The following ADK variants were observed in gnomAD, a reference collection of about 807,000 sequenced individuals.
ADK encodes the protein N6,N6-dimethyladenosine kinase.
In ADK, 24 loss-of-function variants were observed where a neutral mutation model predicts 44.7. The ratio of observed to expected loss-of-function variants is 0.54; its 90% CI spans 0.39 to 0.76. ADK has a LOEUF of 0.76. Among genes scored for constraint, ADK ranks in the 30% least tolerant of loss-of-function variants. The pLI is 0.00. For missense variants in ADK, 321 were observed against 425.1 expected, an observed-to-expected ratio of 0.76 and a Z score of 2.15; for synonymous variants, 128 against 142.6, an observed-to-expected ratio of 0.90 and a Z score of 0.73.
At chr10:74,344,715 C>A (rs1473570303) in intron 4 of ADK, 2 of 172,586 alleles carry the variant, frequency 1.2e-5, no homozygotes, top group Non-Finnish European at 2.5e-5. Context: ...TTAACACAGT[C>A]CAAAAAGCAG....
Position 74,308,247 on chromosome 10 carries a change from C to CT in ADK, c.195-6419dup, listed in dbSNP as rs369752418. Among the ~76,000 whole-genome samples, 795 of 152,218 alleles carry CT rather than the reference C, an allele frequency of 5.2e-3. 12 individuals carry two copies. The highest frequency in any genetic ancestry group is 0.017 in the African/African-American group (721 of 41,550). On this transcript the variant is annotated intron_variant, in intron 3 of 10. Coordinates refer to ENST00000539909, the MANE Select transcript of ADK (RefSeq NM_006721.4). The stretch of plus-strand genomic sequence containing the variant: ...ATATTAGAGTTGAATAAGGGCTTAT[C>CT]TAAGCAATACATGCTTAAAATTGCT...
intron 1 of ADK, among the ~76,000 whole-genome samples, chr10:74,185,521 A>ATTTTTT (rs11368451): frequency 6.9e-6 from 1 of 144,808 alleles, no homozygotes; most frequent in Middle Eastern, 3.6e-3. Flanking sequence ...CAACAATATA[A>ATTTTTT]TTTTTTTTTT....
At position 74,670,984 on chromosome 10, in the gene ADK, G is replaced by A. The variant is rs143427288; in HGVS notation, c.964+715G>A. ...GCTTCCTCACAGATACCCCAAAGGGGTCTTTCCTGGTCTCTGTTTCTTTCT... is the reference window on the plus strand; with the variant it reads ...GCTTCCTCACAGATACCCCAAAGGGATCTTTCCTGGTCTCTGTTTCTTTCT... On this transcript the variant is annotated intron_variant, in intron 10 of 10. Coordinates refer to ENST00000539909, the MANE Select transcript of ADK (RefSeq NM_006721.4). 1.0e-3 allele frequency among the ~76,000 whole-genome samples: 150 copies of A among 146,602 alleles called. No homozygotes were observed. The Middle Eastern group carries it at 0.022, about 21-fold the overall frequency.
chr10:74,282,254 G>C (rs184969374), intron 3 of ADK, among the ~76,000 whole-genome samples: 144 of 152,194 alleles, frequency 9.5e-4, no homozygotes, highest in South Asian at 1.9e-3. Context: ...ACTATTTGTG[G>C]TGAACTTTTT....
At chr10:74,400,244 C>A (rs1843660656) in intron 6 of ADK, among the ~76,000 whole-genome samples, 1 of 152,098 alleles carries the variant, frequency 6.6e-6, no homozygotes, top group African/African-American at 2.4e-5. Context: ...ATCTGTGATA[C>A]AAGTGTTAGC....
chr10:74,618,693 C>A (rs2134020045), intron 9 of ADK, among the ~76,000 whole-genome samples: 1 of 152,206 alleles, frequency 6.6e-6, no homozygotes, highest in African/African-American at 2.4e-5. Flanking sequence ...AAATGGCTTT[C>A]CATTATCTTT....
chr10:74,159,856 G>A (rs1021392449), intron 1 of ADK, among the ~76,000 whole-genome samples: 7 of 152,114 alleles, frequency 4.6e-5, no homozygotes, highest in Non-Finnish European at 8.8e-5. Flanking sequence ...GCCTCCCAAC[G>A]TGCTGGGATT....
chr10:74,532,919 C>CAA (rs35774493), intron 7 of ADK, among the ~76,000 whole-genome samples: 1,466 of 74,866 alleles, frequency 0.02, 110 homozygotes, highest in East Asian at 0.054. Flanking sequence ...GACTCTGTCT[C>CAA]AAAAAAAAAA....
At chr10:74,357,651 C>T (rs1329324547) in intron 4 of ADK, among the ~76,000 whole-genome samples, 1 of 151,942 alleles carries the variant, frequency 6.6e-6, no homozygotes. Flanking sequence ...AACTGTAGGT[C>T]TGTTTGTAAA....
At chr10:74,579,985 TA>T (rs760377088) in intron 7 of ADK, among the ~76,000 whole-genome samples, 11 of 152,182 alleles carry the variant, frequency 7.2e-5, no homozygotes, top group Non-Finnish European at 1.5e-4. Flanking sequence ...AGCTCTAGAT[TA>T]AGAGCTGCTC....
chr10:74,332,155 G>A (rs1023130809), intron 4 of ADK, among the ~76,000 whole-genome samples: 1 of 152,150 alleles, frequency 6.6e-6, no homozygotes. Context: ...ACTGTGCCCA[G>A]ACAAATTTTA....
chr10:74,506,468 A>C (rs1243391443), intron 6 of ADK: 5 of 155,414 alleles, frequency 3.2e-5, no homozygotes, highest in Non-Finnish European at 7.1e-5. Flanking sequence ...AACATGATGA[A>C]AAATAATTCA....
At chr10:74,394,975 A>G (rs1469276404) in intron 5 of ADK, among the ~76,000 whole-genome samples, 1 of 152,184 alleles carries the variant, frequency 6.6e-6, no homozygotes, top group Non-Finnish European at 1.5e-5. Context: ...GTTCTTTTGT[A>G]CCCACATGGA....
intron 4 of ADK, 59 bp from the exon 5 acceptor site, chr10:74,394,082 A>G (rs1422822869): frequency 1.3e-6 from 2 of 1,538,264 alleles, no homozygotes; most frequent in Non-Finnish European, 9.0e-7. Flanking sequence ...GTGGCAGAAT[A>G]TTAAACTATG....
At chr10:74,491,747 A>C (rs1165736876) in intron 6 of ADK, among the ~76,000 whole-genome samples, 3 of 152,138 alleles carry the variant, frequency 2.0e-5, no homozygotes, top group Admixed American at 2.0e-4. Context: ...AACTAAGTAG[A>C]TAAGTGGGAG....
At chr10:74,553,933 A>G (rs1228835694) in intron 7 of ADK, among the ~76,000 whole-genome samples, 1 of 152,216 alleles carries the variant, frequency 6.6e-6, no homozygotes, top group Non-Finnish European at 1.5e-5. Context: ...TTGAGAAAAA[A>G]TAATTATAAT....
intron 1 of ADK, among the ~76,000 whole-genome samples, chr10:74,198,298 T>G (rs929539762): frequency 2.0e-5 from 3 of 152,160 alleles, no homozygotes; most frequent in Non-Finnish European, 4.4e-5. Context: ...CATATGCAAT[T>G]TAAGTGTGAA....
At chr10:74,215,060 CT>C (rs1232643341) in intron 2 of ADK, among the ~76,000 whole-genome samples, 2 of 152,128 alleles carry the variant, frequency 1.3e-5, no homozygotes, top group African/African-American at 4.8e-5. Flanking sequence ...AAAGAGGCCC[CT>C]TCCCTGTGCT....
At chr10:74,530,180 C>T (rs1166986971) in intron 7 of ADK, among the ~76,000 whole-genome samples, 1 of 152,040 alleles carries the variant, frequency 6.6e-6, no homozygotes, top group African/African-American at 2.4e-5. Flanking sequence ...CCTTTAATCT[C>T]ATCATCCATT....
Sources: gnomAD v4.1 joint callset for allele counts (sites outside exome capture counted in the v4.1 genomes callset) on GRCh38, gnomAD v4.1.1 for gene constraint, MANE v1.5 for transcripts, NCBI Gene and HGNC (gene_info 2026-07-23, HGNC 2026-07-21) for gene names.